AFF3: variants seen among roughly 807,000 people sequenced by gnomAD.
AFF3 encodes the protein AF4/FMR2 family member 3.
Under a neutral mutation model 129.7 loss-of-function variants are expected in AFF3, and 32 were observed. That is an observed-to-expected ratio of 0.25 (90% confidence interval 0.19 to 0.33). AFF3 has a LOEUF of 0.33. AFF3 is among the 10% of genes least tolerant of loss of function. The pLI is 1.00. For synonymous variants in AFF3, 644 were observed against 635.4 expected (o/e 1.01, Z -0.20); for missense variants, 1,373 against 1,592.0 (o/e 0.86, Z 2.34).
chr2:99,738,742 G>T (rs548426942), intron 10 of AFF3, among the ~76,000 whole-genome samples: 2 of 152,198 alleles, frequency 1.3e-5, no homozygotes, highest in East Asian at 3.9e-4. Context: ...TAAGTGGGCA[G>T]GGTATGCTGA....
chr2:99,811,923 T>G (rs1339889202), intron 8 of AFF3, among the ~76,000 whole-genome samples: 1 of 152,200 alleles, frequency 6.6e-6, no homozygotes, highest in African/African-American at 2.4e-5. Flanking sequence ...ACACAGACAA[T>G]GAGAGAAGTT....
At chr2:99,572,003 A>G (rs970796067) in intron 18 of AFF3, among the ~76,000 whole-genome samples, 13 of 152,062 alleles carry the variant, frequency 8.5e-5, no homozygotes, top group Admixed American at 8.5e-4. Context: ...TTTTTTTAAC[A>G]TGGAAAACCT....
At chr2:99,979,768 C>A (rs942470614) in intron 7 of AFF3, among the ~76,000 whole-genome samples, 1 of 152,178 alleles carries the variant, frequency 6.6e-6, no homozygotes, top group Admixed American at 6.5e-5. Context: ...TAGGCATGAG[C>A]CACTGCACCC....
chr2:99,581,402 G>C (rs1033152249), intron 17 of AFF3, among the ~76,000 whole-genome samples: 2 of 152,154 alleles, frequency 1.3e-5, no homozygotes, highest in South Asian at 4.1e-4. Context: ...TGAGGATGCT[G>C]TAAGATTTAG....
intron 8 of AFF3, among the ~76,000 whole-genome samples, chr2:99,791,063 T>A (rs1429512386): frequency 2.6e-5 from 4 of 152,218 alleles, no homozygotes; most frequent in African/African-American, 9.6e-5. Context: ...ATTCCATCTT[T>A]TTCTAGACAG....
intron 7 of AFF3, among the ~76,000 whole-genome samples, chr2:99,994,031 C>G (rs1680611420): frequency 6.6e-6 from 1 of 151,598 alleles, no homozygotes; most frequent in Non-Finnish European, 1.5e-5. Context: ...GTCTTGAACT[C>G]CTGACCTCAG....
intron 11 of AFF3, among the ~76,000 whole-genome samples, chr2:99,677,263 C>CAAAAA (rs386390727): frequency 5.7e-5 from 6 of 105,152 alleles, no homozygotes; most frequent in African/African-American, 7.5e-5. Context: ...GACCCTGTCT[C>CAAAAA]AAAAAAAAAA....
chr2:99,805,622 G>A (rs537297173), intron 8 of AFF3, among the ~76,000 whole-genome samples: 4 of 152,198 alleles, frequency 2.6e-5, no homozygotes, highest in South Asian at 2.1e-4. Context: ...CACCACAGCC[G>A]AGTATGCTCT....
intron 13 of AFF3, among the ~76,000 whole-genome samples, chr2:99,615,600 C>T (rs1681343053): frequency 6.6e-6 from 1 of 152,228 alleles, no homozygotes; most frequent in African/African-American, 2.4e-5. Context: ...ACAACTCCTC[C>T]CCTGGCAGAG....
Position 99,593,407 on chromosome 2 carries a change from C to G in AFF3, c.2254G>C (p.Glu752Gln). Residue 752 changes from glutamate to glutamine, a missense_variant, in exon 15 of 25, where the codon GAA becomes CAA. By Grantham distance (29) the Glu-to-Gln change is conservative. This residue lies in a region of AFF3 where 466 missense variants were observed against 505.0 expected (regional missense o/e 0.92). Transcript: ENST00000672756. Reference protein sequence around the residue: ...FYTLVPFGRNELLSPLKDSDE... With the variant: ...FYTLVPFGRNQLLSPLKDSDE... ...CTGTCCTTTAGAGGGGAGAGAAGTT[C>G]GTTCCGGCCAAAGGGGACCAGTGTG... 1 of 1,613,804 alleles carries G rather than the reference C, an allele frequency of 6.2e-7. No homozygotes were observed. The highest frequency in any genetic ancestry group is 8.5e-7 in the Non-Finnish European group (1 of 1,179,934).
chr2:99,951,339 A>G (rs1559003991), intron 7 of AFF3, among the ~76,000 whole-genome samples: 1 of 152,160 alleles, frequency 6.6e-6, no homozygotes, highest in East Asian at 1.9e-4. Flanking sequence ...TTTCTCTTTA[A>G]TTACTAACTT....
At chr2:100,066,767 C>G (rs1431926190) in intron 4 of AFF3, among the ~76,000 whole-genome samples, 2 of 152,166 alleles carry the variant, frequency 1.3e-5, no homozygotes, top group Non-Finnish European at 2.9e-5. Context: ...TTGAAGAAAT[C>G]AGATATCCTT....
At chr2:100,009,331 T>C (rs543889787) in intron 4 of AFF3, among the ~76,000 whole-genome samples, 1 of 152,246 alleles carries the variant, frequency 6.6e-6, no homozygotes, top group East Asian at 1.9e-4. Context: ...CTGTTCTTTT[T>C]TTTTTTTTCC....
At chr2:99,879,152 C>A (rs935809808) in intron 7 of AFF3, among the ~76,000 whole-genome samples, 5 of 152,180 alleles carry the variant, frequency 3.3e-5, no homozygotes, top group East Asian at 1.9e-4. Flanking sequence ...AACTGTTTTC[C>A]AGATTGTATT....
intron 7 of AFF3, among the ~76,000 whole-genome samples, chr2:99,908,868 C>A (rs944815648): frequency 1.3e-5 from 2 of 152,200 alleles, no homozygotes; most frequent in African/African-American, 2.4e-5. Context: ...CACTTTTACA[C>A]TGTTGGTGGG....
chr2:99,762,245 C>T (rs1682678347), intron 8 of AFF3, among the ~76,000 whole-genome samples: 1 of 152,050 alleles, frequency 6.6e-6, no homozygotes, highest in South Asian at 2.1e-4. Flanking sequence ...CCGCCTCAGC[C>T]TCCTGAGTCC....
rs924690527 is a variant in AFF3 at position 100,055,473 on chromosome 2, AAAAAAG to A, written c.54-46547_54-46542del. Among the ~76,000 whole-genome samples, 183 of 151,906 alleles carry A rather than the reference AAAAAAG, an allele frequency of 1.2e-3. 6 individuals carry two copies. The South Asian group carries it at 0.036, about 30-fold the overall frequency. Reference sequence around the variant, plus strand: ...TCACCTAGAAATCTTAAAAAAAAAAAAAAAAGAAAAGAAAAGAAAAGAAAGAAAAAT... The same window carrying A: ...TCACCTAGAAATCTTAAAAAAAAAAAAAAAGAAAAGAAAAGAAAGAAAAAT... On this transcript the variant is annotated intron_variant, in intron 4 of 24. Transcript: ENST00000672756.
At position 99,587,287 on chromosome 2, in the gene AFF3, G is replaced by T. The variant is rs1678215342; in HGVS notation, c.2467-9C>A. Reference sequence around the variant, plus strand: ...TCGTCTTCGTTGTCACACTGTATGGGAATAAACTAAAGTCAATCAGCACTG... The same window carrying T: ...TCGTCTTCGTTGTCACACTGTATGGTAATAAACTAAAGTCAATCAGCACTG... On this transcript the variant is annotated splice_polypyrimidine_tract_variant and intron_variant, in intron 15 of 24. Coordinates refer to ENST00000672756, the MANE Select transcript of AFF3 (RefSeq NM_001386135.1). The T allele has an allele frequency of 1.7e-5, 28 of 1,613,886 alleles. No individual in the cohort carries two copies. Among genetic ancestry groups the T allele is most frequent in the Non-Finnish European group, 2.1e-5 (25 of 1,179,928 alleles).
chr2:100,011,569 C>G (rs186148466), intron 4 of AFF3: 2 of 781,020 alleles, frequency 2.6e-6, no homozygotes, highest in East Asian at 4.8e-5. Context: ...GATGTCTTCA[C>G]CCCTGCAAGA....
Sources: gnomAD v4.1 joint callset for allele counts (sites outside exome capture counted in the v4.1 genomes callset) on GRCh38, gnomAD v4.1.1 for gene constraint, gnomAD v4.1.1 regional missense constraint, MANE v1.5 for transcripts, NCBI Gene and HGNC (gene_info 2026-07-23, HGNC 2026-07-21) for gene names.